The following REEP5 variants were observed in gnomAD, a reference collection of about 807,000 sequenced individuals.
The protein encoded by REEP5 is receptor accessory protein 5.
A neutral mutation model predicts 22.4 loss-of-function variants in REEP5; 24 were observed. That is an observed-to-expected ratio of 1.07 (90% CI 0.78 to 1.51). REEP5 has a LOEUF of 1.51. Among genes scored for constraint, REEP5 ranks in the 40% most tolerant of loss-of-function variants. The pLI is 0.00. For synonymous variants in REEP5, 103 were observed against 88.6 expected (o/e 1.16, Z -0.92); for missense variants, 252 against 233.0 (o/e 1.08, Z -0.53).
At chr5:112,895,525 A>G (rs1032901184) in intron 3 of REEP5, 2 of 152,122 alleles carry the variant, frequency 1.3e-5, no homozygotes, top group African/African-American at 2.4e-5. Context: ...TACCTCTTCA[A>G]TGTGATTACT....
At chr5:112,895,267 G>A (rs1232427884) in intron 3 of REEP5, 2 of 128,452 alleles carry the variant, frequency 1.6e-5, no homozygotes, top group South Asian at 5.4e-4. Context: ...AATCAGGAGA[G>A]GTGGGGTGTG....
intron 1 of REEP5, 196 bp from the exon 2 acceptor site, chr5:112,921,452 G>C (rs1423114855): frequency 1.6e-6 from 1 of 612,428 alleles, no homozygotes; most frequent in Middle Eastern, 4.4e-4. Flanking sequence ...GGGGATACCA[G>C]GCAGCCCCAC....
In REEP5 at chr5:112,878,539, T is replaced by C; in HGVS notation, c.*247A>G. The C allele has an allele frequency of 2.0e-6, 1 of 499,852 alleles. No homozygotes were observed. Among genetic ancestry groups the C allele is most frequent in the Non-Finnish European group, 3.5e-6 (1 of 286,430 alleles). The allele number at this position is 499,852 out of a possible 1,614,324, so 31.0% of individuals were successfully genotyped here. On this transcript the variant is annotated 3_prime_UTR_variant, in exon 5 of 5. Coordinates refer to ENST00000379638, the MANE Select transcript of REEP5 (RefSeq NM_005669.5). ...CTGCAGGATAGCAACATACATCTTT[T>C]CCTACCCAGAGGCAAAATACATTTT...
At chr5:112,878,860 A>G (rs1767977902) in intron 4 of REEP5, 25 bp from the exon 5 acceptor site, 1 of 1,613,804 alleles carries the variant, frequency 6.2e-7, no homozygotes, top group Admixed American at 1.7e-5. Flanking sequence ...GGAGGGAAAG[A>G]AAAATATATC....
At chr5:112,897,786 C>T (rs1279232085) in intron 3 of REEP5, 1 of 152,092 alleles carries the variant, frequency 6.6e-6, no homozygotes, top group Non-Finnish European at 1.5e-5. Context: ...GGGCTGGGAG[C>T]AGTGGCTCAC....
intron 4 of REEP5, among the ~76,000 whole-genome samples, chr5:112,884,779 G>C (rs373483775): frequency 0.066 from 9,690 of 147,742 alleles, 372 homozygotes; most frequent in South Asian, 0.13. Context: ...CCAGTCCTTG[G>C]CCCCCCCCCA....
chr5:112,906,752 G>C (rs1356774203), intron 2 of REEP5, among the ~76,000 whole-genome samples: 2 of 152,198 alleles, frequency 1.3e-5, no homozygotes, highest in Admixed American at 6.5e-5. Flanking sequence ...TGATTCAGCT[G>C]CTCTTACAAG....
At chr5:112,918,673 G>A (rs1280032024) in intron 2 of REEP5, among the ~76,000 whole-genome samples, 1 of 152,114 alleles carries the variant, frequency 6.6e-6, no homozygotes, top group African/African-American at 2.4e-5. Context: ...CCCATCCAAG[G>A]CAATCAGAAA....
chr5:112,905,859 G>C (rs1421687457), intron 2 of REEP5, among the ~76,000 whole-genome samples: 1 of 152,110 alleles, frequency 6.6e-6, no homozygotes, highest in East Asian at 1.9e-4. Context: ...TGGGGCTCAA[G>C]TGATCCTCCT....
intron 3 of REEP5, chr5:112,891,671 A>T: frequency 6.2e-7 from 1 of 1,613,368 alleles, no homozygotes; most frequent in Non-Finnish European, 8.5e-7. Flanking sequence ...ACGTTTCCCA[A>T]GAAGATGACA....
At chr5:112,905,720 A>G (rs1768944314) in intron 2 of REEP5, among the ~76,000 whole-genome samples, 1 of 152,014 alleles carries the variant, frequency 6.6e-6, no homozygotes, top group African/African-American at 2.4e-5. Context: ...TCCTGGACTC[A>G]AGTGATCCTC....
chr5:112,906,406 C>A (rs1420141401), intron 2 of REEP5, among the ~76,000 whole-genome samples: 1 of 152,188 alleles, frequency 6.6e-6, no homozygotes, highest in Non-Finnish European at 1.5e-5. Context: ...AGCAAAATGT[C>A]CGGTACAAAG....
At chr5:112,912,039 TAATG>T (rs1431634037) in intron 2 of REEP5, among the ~76,000 whole-genome samples, 1 of 152,218 alleles carries the variant, frequency 6.6e-6, no homozygotes, top group African/African-American at 2.4e-5. Flanking sequence ...CTTTATATGT[TAATG>T]AAACTAACTC....
intron 4 of REEP5, among the ~76,000 whole-genome samples, chr5:112,879,403 C>T (rs1241888556): frequency 2.0e-5 from 3 of 152,056 alleles, no homozygotes; most frequent in Admixed American, 2.0e-4. Flanking sequence ...TCTGTGAGTG[C>T]TCAAGCCCTT....
intron 4 of REEP5, among the ~76,000 whole-genome samples, chr5:112,885,951 C>A (rs1022852489): frequency 3.9e-5 from 6 of 152,162 alleles, no homozygotes; most frequent in African/African-American, 1.2e-4. Flanking sequence ...AGCCACTGCC[C>A]GAAGCCATCT....
chr5:112,912,374 T>G (rs1398646092), intron 2 of REEP5, among the ~76,000 whole-genome samples: 1 of 152,172 alleles, frequency 6.6e-6, no homozygotes, highest in Non-Finnish European at 1.5e-5. Context: ...TCAAACCAGT[T>G]GTACCAATAT....
At chr5:112,900,164 A>G (rs535773431) in intron 3 of REEP5, among the ~76,000 whole-genome samples, 1 of 152,340 alleles carries the variant, frequency 6.6e-6, no homozygotes, top group Admixed American at 6.5e-5. Flanking sequence ...TCCGTGAAAT[A>G]CTTAACTTAG....
chr5:112,893,021 G>A lies in REEP5; in HGVS notation c.352-5838C>T, dbSNP rs192659335. ...CAAAGTTCCTCTAGGTGCCGAAGTC[G>A]TGGGAGGAGGAAGTCGGGTAATAGA... On this transcript the variant is annotated intron_variant, in intron 3 of 4. Coordinates refer to ENST00000379638, the MANE Select transcript of REEP5 (RefSeq NM_005669.5). 1.3e-3 allele frequency: 2,023 copies of A among 1,539,756 alleles called. 32 individuals are homozygous for A. The Admixed American group carries it at 0.029, about 22-fold the overall frequency.
At chr5:112,878,903 C>G (rs904883009) in intron 4 of REEP5, 68 bp from the exon 5 acceptor site, 1 of 1,611,036 alleles carries the variant, frequency 6.2e-7, no homozygotes, top group South Asian at 1.1e-5. Context: ...AGCTTGCAAG[C>G]TTTGTGCCTA....
Sources: gnomAD v4.1 joint callset for allele counts (sites outside exome capture counted in the v4.1 genomes callset) on GRCh38, gnomAD v4.1.1 for gene constraint, MANE v1.5 for transcripts, NCBI Gene and HGNC (gene_info 2026-07-23, HGNC 2026-07-21) for gene names.